Variants in NCAPD3 observed in about 807,000 individuals in gnomAD.
The protein encoded by NCAPD3 is condensin-2 complex subunit D3.
In NCAPD3, 105 loss-of-function variants were observed where a neutral mutation model predicts 182.9. The observed-to-expected ratio is 0.57, with a 90% confidence interval of 0.49 to 0.68. The LOEUF (loss-of-function observed/expected upper bound fraction) is 0.68, where lower values mean the gene tolerates loss of function less well. Ranked by LOEUF, NCAPD3 falls within the 30% of genes least tolerant of loss-of-function variation. NCAPD3 has a pLI of 0.00. For missense variants in NCAPD3, 1,944 were observed against 1,837.0 expected (o/e 1.06, Z -1.07); for synonymous variants, 815 against 679.9 (o/e 1.20, Z -3.09).
At chr11:134,186,986 A>C (rs1944420894) in intron 16 of NCAPD3, among the ~76,000 whole-genome samples, 1 of 152,170 alleles carries the variant, frequency 6.6e-6, no homozygotes. Context: ...AATATTAAGT[A>C]ATGTTTATTA....
intron 3 of NCAPD3, among the ~76,000 whole-genome samples, chr11:134,212,671 C>A (rs997787175): frequency 6.6e-6 from 1 of 152,118 alleles, no homozygotes; most frequent in Admixed American, 6.5e-5. Flanking sequence ...GGATTACAGG[C>A]ATGAGCCACC....
At chr11:134,203,465 C>T (rs563947885) in intron 11 of NCAPD3, among the ~76,000 whole-genome samples, 189 bp downstream of exon 11, 1 of 152,294 alleles carries the variant, frequency 6.6e-6, no homozygotes, top group South Asian at 2.1e-4. Flanking sequence ...TTTAAAAGGC[C>T]TTGCAAATGT....
chr11:134,211,989 C>G (rs1937850833), intron 3 of NCAPD3, among the ~76,000 whole-genome samples: 1 of 152,204 alleles, frequency 6.6e-6, no homozygotes, highest in South Asian at 2.1e-4. Flanking sequence ...TCCACAGATC[C>G]AAGAAGCTCA....
chr11:134,160,078 A>G lies in NCAPD3; in HGVS notation c.3685-4T>C. 1.2e-6 allele frequency: 2 copies of G among 1,613,560 alleles called. No homozygotes were observed. Among genetic ancestry groups the G allele is most frequent in the African/African-American group, 2.7e-5 (2 of 75,046 alleles). ...CTCGGTAATCCTGCATCACCTCCTG[A>G]AACAGAGCCAGGAGCATCCTTTCAT... On this transcript the variant is annotated splice_region_variant and splice_polypyrimidine_tract_variant and intron_variant, in intron 28 of 34. Transcript: ENST00000534548.
intron 27 of NCAPD3, among the ~76,000 whole-genome samples, chr11:134,164,200 A>C (rs1247746763): frequency 6.6e-6 from 1 of 152,152 alleles, no homozygotes; most frequent in East Asian, 1.9e-4. Context: ...AGTCATTCAG[A>C]TCCAAATTCT....
chr11:134,165,915 GAT>G (rs1331426374), intron 27 of NCAPD3, among the ~76,000 whole-genome samples: 2 of 130,920 alleles, frequency 1.5e-5, no homozygotes, highest in African/African-American at 5.9e-5. Flanking sequence ...TCACTAGTGA[GAT>G]GAGCTTGGGG....
At chr11:134,167,624 A>G (rs1235346015) in intron 27 of NCAPD3, among the ~76,000 whole-genome samples, 10 of 79,576 alleles carry the variant, frequency 1.3e-4, no homozygotes, top group African/African-American at 1.6e-4. Flanking sequence ...AGCTTGGGGG[A>G]GGGGCACACT....
Position 134,158,429 on chromosome 11 carries a change from C to A in NCAPD3, c.3934G>T (p.Val1312Leu). ...GQENPAMSPA[V>L]SQPCTPRASA... is the part of the protein sequence containing the mutation. ...GCCCTGGGTGTGCAGGGCTGGCTCACGGCAGGTGACATGGCAGGGTTTTCT... is the reference window on the plus strand; with the variant it reads ...GCCCTGGGTGTGCAGGGCTGGCTCAAGGCAGGTGACATGGCAGGGTTTTCT... The change falls in exon 30 of 35, where the codon GTG becomes TTG. Residue 1312 changes from valine (V) to leucine (L), a missense_variant. This residue lies in a region of NCAPD3 where 1,803 missense variants were observed against 1,674.6 expected (regional missense o/e 1.08). Coordinates refer to ENST00000534548, the MANE Select transcript of NCAPD3 (RefSeq NM_015261.3). The A allele has an allele frequency of 6.2e-7, 1 of 1,614,186 alleles. No homozygotes were observed. The highest frequency in any genetic ancestry group is 8.5e-7 in the Non-Finnish European group (1 of 1,180,042).
chr11:134,160,744 AG>A (rs1943554457), intron 28 of NCAPD3, among the ~76,000 whole-genome samples: 1 of 151,746 alleles, frequency 6.6e-6, no homozygotes, highest in African/African-American at 2.4e-5. Flanking sequence ...TCCAACTGGG[AG>A]GGAAGTCTCA....
chr11:134,171,271 A>T (rs1386446218), intron 24 of NCAPD3, among the ~76,000 whole-genome samples: 1 of 152,224 alleles, frequency 6.6e-6, no homozygotes, highest in Non-Finnish European at 1.5e-5. Context: ...AGGGAAGACC[A>T]GCTAAATCTG....
chr11:134,167,384 A>G, intron 27 of NCAPD3, among the ~76,000 whole-genome samples: 1 of 88,494 alleles, frequency 1.1e-5, no homozygotes, highest in South Asian at 4.7e-4. Context: ...TCGTGAGAGG[A>G]GCTTAGGGGA....
At chr11:134,206,468 G>T in intron 8 of NCAPD3, 131 bp downstream of exon 8, 2 of 1,170,168 alleles carry the variant, frequency 1.7e-6, no homozygotes, top group Middle Eastern at 1.9e-4. Context: ...GCTACGAAGT[G>T]CTTGGTTTTC....
intron 24 of NCAPD3, among the ~76,000 whole-genome samples, chr11:134,170,141 A>G (rs1943972232): frequency 6.6e-6 from 1 of 152,250 alleles, no homozygotes; most frequent in African/African-American, 2.4e-5. Flanking sequence ...GATGGAAGTA[A>G]GCCCAGATAA....
At chr11:134,165,801 G>A (rs1943766237) in intron 27 of NCAPD3, among the ~76,000 whole-genome samples, 1 of 137,358 alleles carries the variant, frequency 7.3e-6, no homozygotes. Flanking sequence ...TAGGGGAGAT[G>A]CACACTCACT....
intron 19 of NCAPD3, chr11:134,183,236 C>T (rs1407681449): frequency 8.9e-6 from 4 of 448,402 alleles, no homozygotes; most frequent in Admixed American, 2.4e-5. Flanking sequence ...TACCACTGAG[C>T]CTGGAAGGCT....
At chr11:134,167,579 G>C (rs187965047) in intron 27 of NCAPD3, among the ~76,000 whole-genome samples, 1 of 135,322 alleles carries the variant, frequency 7.4e-6, no homozygotes, top group Non-Finnish European at 1.6e-5. Context: ...CTAGTGAGAT[G>C]AGCTTGGGGG....
At chr11:134,215,796 C>T (rs151116479) in intron 3 of NCAPD3, among the ~76,000 whole-genome samples, 1 of 152,236 alleles carries the variant, frequency 6.6e-6, no homozygotes, top group African/African-American at 2.4e-5. Flanking sequence ...AATTCACGTA[C>T]AGATCCTAAA....
At position 134,168,089 on chromosome 11, in the gene NCAPD3, T is replaced by A. The variant is rs766164588; in HGVS notation, c.3480A>T (p.Arg1160Ser). The A allele has an allele frequency of 6.2e-7, 1 of 1,614,150 alleles. No homozygotes were observed. The highest frequency in any genetic ancestry group is 8.5e-7 in the Non-Finnish European group (1 of 1,179,994). ...SSKEIKLLAM[R>S]SKPDKDLLME... is the part of the protein sequence containing the mutation. ...TAAGGAGGTCTTTGTCTGGTTTAGA[T>A]CTCATTGCCAAAAGCTTGATCTCCT... The change falls in exon 27 of 35, where the codon AGA becomes AGT. Residue 1160 changes from arginine (R) to serine (S), a missense_variant. Around this residue, in one of 3 missense-constraint regions of NCAPD3, gnomAD observed 1,803 missense variants for 1,674.6 expected, o/e 1.08. Coordinates refer to ENST00000534548, the MANE Select transcript of NCAPD3 (RefSeq NM_015261.3).
intron 3 of NCAPD3, among the ~76,000 whole-genome samples, chr11:134,216,070 T>G (rs1015820750): frequency 6.6e-6 from 1 of 152,206 alleles, no homozygotes; most frequent in Non-Finnish European, 1.5e-5. Context: ...ACTGGGTTTC[T>G]AAAACCACTA....
Sources: gnomAD v4.1 joint callset for allele counts (sites outside exome capture counted in the v4.1 genomes callset) on GRCh38, gnomAD v4.1.1 for gene constraint, gnomAD v4.1.1 regional missense constraint, MANE v1.5 for transcripts, NCBI Gene and HGNC (gene_info 2026-07-23, HGNC 2026-07-21) for gene names.